Variants in SLX4IP observed in about 807,000 individuals in gnomAD.
The protein encoded by SLX4IP is protein SLX4IP.
Under a neutral mutation model 32.9 loss-of-function variants are expected in SLX4IP, and 34 were observed. The ratio of observed to expected loss-of-function variants is 1.03; its 90% CI spans 0.79 to 1.38. The LOEUF is 1.38. Ranked by LOEUF, SLX4IP falls within the 40% of genes most tolerant of loss-of-function variation. The probability of loss-of-function intolerance (pLI) is 0.00; values close to 1 mark genes in which losing one functional copy is unlikely to be tolerated. For missense variants in SLX4IP, 444 were observed against 479.0 expected, an observed-to-expected ratio of 0.93 and a Z score of 0.68; for synonymous variants, 172 against 171.7, an observed-to-expected ratio of 1.00 and a Z score of -0.01.
At chr20:10,449,343 C>T (rs2065224649) in intron 1 of SLX4IP, among the ~76,000 whole-genome samples, 1 of 152,096 alleles carries the variant, frequency 6.6e-6, no homozygotes, top group African/African-American at 2.4e-5. Context: ...TTCTTTCTTT[C>T]TTTGATTAAC....
intron 2 of SLX4IP, among the ~76,000 whole-genome samples, chr20:10,475,508 A>G (rs917859163): frequency 1.3e-5 from 2 of 152,124 alleles, no homozygotes; most frequent in African/African-American, 2.4e-5. Flanking sequence ...GAGGGCCTGG[A>G]GGTAGCTTCA....
Position 10,623,234 on chromosome 20 carries a change from T to C in SLX4IP, c.1082T>C (p.Val361Ala), listed in dbSNP as rs1568780829. 1.2e-6 allele frequency: 2 copies of C among 1,614,188 alleles called. No individual in the cohort carries two copies. The change falls in exon 8 of 8, where the codon GTT becomes GCT. Residue 361 changes from valine to alanine, a missense_variant. By Grantham distance (64) the Val-to-Ala change is moderately conservative. Transcript: ENST00000334534. Reference protein sequence around the residue: ...AKTTSKEELHVLESLSSRHLM... With the variant: ...AKTTSKEELHALESLSSRHLM... ...ACCACGTCTAAGGAAGAGTTGCATG[T>C]TTTGGAAAGTCTCTCCTCCAGACAT...
At chr20:10,497,439 C>G (rs913967907) in intron 2 of SLX4IP, among the ~76,000 whole-genome samples, 39 of 152,236 alleles carry the variant, frequency 2.6e-4, no homozygotes, top group African/African-American at 8.9e-4. Flanking sequence ...TTGCTTTGTA[C>G]TCAAAGGTGT....
At chr20:10,605,229 C>A (rs1368193623) in intron 6 of SLX4IP, among the ~76,000 whole-genome samples, 1 of 152,106 alleles carries the variant, frequency 6.6e-6, no homozygotes, top group African/African-American at 2.4e-5. Context: ...TAGTTACAGC[C>A]ACTCCTTCTA....
chr20:10,486,433 G>A (rs533724154), intron 2 of SLX4IP, among the ~76,000 whole-genome samples: 1 of 152,218 alleles, frequency 6.6e-6, no homozygotes, highest in African/African-American at 2.4e-5. Flanking sequence ...GAAGAATCAA[G>A]AACTGAAAGA....
At chr20:10,462,135 A>C (rs1258720926) in intron 2 of SLX4IP, among the ~76,000 whole-genome samples, 1 of 152,230 alleles carries the variant, frequency 6.6e-6, no homozygotes, top group Non-Finnish European at 1.5e-5. Context: ...ACCAAGGAAC[A>C]CTGCCCAGAA....
chr20:10,548,576 A>T lies in SLX4IP; in HGVS notation c.28-7655A>T, dbSNP rs151298488. Among the ~76,000 whole-genome samples, 79 of 152,224 alleles carry T rather than the reference A, an allele frequency of 5.2e-4. No homozygotes were observed. The East Asian group carries it at 0.013, about 26-fold the overall frequency. ...CTTTGTGTGTTATGATCTCATATTC[A>T]GGCTGTGTCTAATTCTGTTACTGAG... On this transcript the variant is annotated intron_variant, in intron 2 of 7. Transcript: ENST00000334534.
At chr20:10,502,619 C>T (rs1041098755) in intron 2 of SLX4IP, among the ~76,000 whole-genome samples, 43 of 152,124 alleles carry the variant, frequency 2.8e-4, no homozygotes, top group African/African-American at 1.0e-3. Flanking sequence ...AGCGTGTACT[C>T]CCTCTCTTTG....
In SLX4IP at chr20:10,457,066, A is replaced by T. The variant is rs1214343536; in HGVS notation, c.-29-1110A>T. 2.0e-5 allele frequency among the ~76,000 whole-genome samples: 3 copies of T among 152,014 alleles called. No individual in the cohort carries two copies. The South Asian group carries it at 6.2e-4, about 31-fold the overall frequency. ...TACAGTAGATTTTAAAATATTTATCATATATCCTACAACCTTGCTGAACTT... is the reference window on the plus strand; with the variant it reads ...TACAGTAGATTTTAAAATATTTATCTTATATCCTACAACCTTGCTGAACTT... On this transcript the variant is annotated intron_variant, in intron 1 of 7. Coordinates refer to ENST00000334534, the MANE Select transcript of SLX4IP (RefSeq NM_001009608.3).
chr20:10,627,433 TACTC>T lies in SLX4IP; in HGVS notation c.*4056_*4059del, dbSNP rs765404593. ...GTAAAACGAAGTTAATTCAGGTAAT[TACTC>T]AGTACAGAAATCTAACCGTATATAT... On this transcript the variant is annotated 3_prime_UTR_variant, in exon 8 of 8. Coordinates refer to ENST00000334534, the MANE Select transcript of SLX4IP (RefSeq NM_001009608.3). 3 of 152,340 alleles carry T rather than the reference TACTC, an allele frequency of 2.0e-5. No homozygotes were observed. Among genetic ancestry groups the T allele is most frequent in the Non-Finnish European group, 4.4e-5 (3 of 68,028 alleles). The allele number at this position is 152,340 out of a possible 1,614,324, so 9.4% of individuals were successfully genotyped here.
intron 2 of SLX4IP, among the ~76,000 whole-genome samples, chr20:10,544,743 A>G (rs899001809): frequency 2.0e-5 from 3 of 151,922 alleles, no homozygotes; most frequent in Non-Finnish European, 4.4e-5. Context: ...ATTTTCTTGT[A>G]TTTATGATAA....
chr20:10,462,759 T>A (rs1472045448), intron 2 of SLX4IP, among the ~76,000 whole-genome samples: 1 of 152,216 alleles, frequency 6.6e-6, no homozygotes, highest in Non-Finnish European at 1.5e-5. Flanking sequence ...CCTTGATGAT[T>A]ACTGTGTATT....
intron 2 of SLX4IP, among the ~76,000 whole-genome samples, chr20:10,465,693 A>T (rs2065375069): frequency 6.6e-6 from 1 of 152,138 alleles, no homozygotes; most frequent in African/African-American, 2.4e-5. Context: ...TTTAGTAGAG[A>T]TGAGGTTTTG....
intron 3 of SLX4IP, among the ~76,000 whole-genome samples, chr20:10,557,733 T>A (rs2066282380): frequency 6.6e-6 from 1 of 152,254 alleles, no homozygotes; most frequent in Non-Finnish European, 1.5e-5. Context: ...CTTGTTAATA[T>A]TGAGTCCGTT....
intron 2 of SLX4IP, among the ~76,000 whole-genome samples, chr20:10,554,341 G>A (rs2066247275): frequency 6.6e-6 from 1 of 152,162 alleles, no homozygotes; most frequent in African/African-American, 2.4e-5. Context: ...TTCTCTTGTT[G>A]TAGACTTTTG....
At chr20:10,553,075 A>G (rs1429147799) in intron 2 of SLX4IP, among the ~76,000 whole-genome samples, 2 of 152,194 alleles carry the variant, frequency 1.3e-5, no homozygotes, top group East Asian at 1.9e-4. Context: ...GTGAACTTGC[A>G]TGGGAAAAAG....
In SLX4IP at chr20:10,623,111, C is replaced by G; in HGVS notation, c.959C>G (p.Pro320Arg). ...RVSLGSDRLV[P>R]REIIVEKSKA... ...TCTCTTGGAAGTGATCGATTAGTCC[C>G]GAGAGAAATAATAGTGGAAAAAAGC... is the stretch of plus-strand genomic sequence containing the variant. Residue 320 changes from proline (P) to arginine (R), a missense_variant, in exon 8 of 8, where the codon CCG becomes CGG. Transcript: ENST00000334534. The G allele has an allele frequency of 1.9e-6, 3 of 1,614,082 alleles. No homozygotes were observed. Among genetic ancestry groups the G allele is most frequent in the Admixed American group, 1.7e-5 (1 of 60,016 alleles).
chr20:10,560,198 T>A (rs2066316294), intron 3 of SLX4IP, among the ~76,000 whole-genome samples: 1 of 152,234 alleles, frequency 6.6e-6, no homozygotes, highest in Non-Finnish European at 1.5e-5. Context: ...GGGTTCCCCA[T>A]GCCGTTGCAC....
At chr20:10,612,381 C>T (rs1398466512) in intron 6 of SLX4IP, among the ~76,000 whole-genome samples, 5 of 152,126 alleles carry the variant, frequency 3.3e-5, no homozygotes, top group African/African-American at 1.2e-4. Context: ...TGCTGGGACT[C>T]GTGTGCCAGG....
Sources: gnomAD v4.1 joint callset for allele counts (sites outside exome capture counted in the v4.1 genomes callset) on GRCh38, gnomAD v4.1.1 for gene constraint, MANE v1.5 for transcripts, NCBI Gene and HGNC (gene_info 2026-07-23, HGNC 2026-07-21) for gene names.